The following PHACTR4 variants were observed in gnomAD, a reference collection of about 807,000 sequenced individuals.
PHACTR4 encodes the protein protein phosphatase 1, regulatory subunit 124.
PHACTR4 carries 51 observed loss-of-function variants against 72.7 expected under a neutral mutation model. That is an observed-to-expected ratio of 0.70 (90% CI 0.56 to 0.89). PHACTR4 has a LOEUF of 0.89. PHACTR4 is among the 40% of genes least tolerant of loss of function. PHACTR4 has a pLI of 0.00. For missense variants in PHACTR4, 731 were observed against 861.8 expected (o/e 0.85, Z 1.90); for synonymous variants, 255 against 302.5 (o/e 0.84, Z 1.63).
chr1:28,443,363 C>T (rs1008750304), intron 2 of PHACTR4, among the ~76,000 whole-genome samples: 1 of 151,990 alleles, frequency 6.6e-6, no homozygotes, highest in Non-Finnish European at 1.5e-5. Context: ...CTCACTGCAA[C>T]CTCCACCTCC....
intron 2 of PHACTR4, chr1:28,432,971 C>G: frequency 2.0e-6 from 1 of 490,440 alleles, no homozygotes; most frequent in Non-Finnish European, 2.6e-6. Context: ...GTCTTGAACT[C>G]CTGGACTCAA....
At chr1:28,438,524 A>G (rs1159836588) in intron 2 of PHACTR4, 14 of 1,333,448 alleles carry the variant, frequency 1.0e-5, no homozygotes, top group Non-Finnish European at 4.2e-6. Flanking sequence ...TAAACACGAG[A>G]ATGTTGATGA....
chr1:28,478,603 AGTTTTTGTTTTT>A (rs144669163), intron 8 of PHACTR4, among the ~76,000 whole-genome samples: 4 of 151,516 alleles, frequency 2.6e-5, no homozygotes, highest in South Asian at 2.1e-4. Flanking sequence ...AGCTCATTTT[AGTTTTTGTTTTT>A]GTTTTTGTTT....
chr1:28,492,420 G>T (rs1461078361), intron 12 of PHACTR4, among the ~76,000 whole-genome samples: 2 of 151,564 alleles, frequency 1.3e-5, no homozygotes, highest in Non-Finnish European at 2.9e-5. Flanking sequence ...CTGGGCAGCA[G>T]AGTGAGACTC....
At chr1:28,463,373 T>A (rs958755730) in intron 4 of PHACTR4, among the ~76,000 whole-genome samples, 4 of 152,182 alleles carry the variant, frequency 2.6e-5, no homozygotes, top group African/African-American at 9.7e-5. Flanking sequence ...ATATTTAATA[T>A]AAGAAATGAT....
At chr1:28,444,782 A>ATTTTTTTTTTTTTTTTTTTTTT (rs577693546) in intron 2 of PHACTR4, among the ~76,000 whole-genome samples, 3 of 116,676 alleles carry the variant, frequency 2.6e-5, no homozygotes, top group African/African-American at 1.1e-4. Context: ...CACCCAGCTA[A>ATTTTTTTTTTTTTTTTTTTTTT]TTTTTTTTTT....
rs763904155 is a variant in PHACTR4 at position 28,465,675 on chromosome 1, C to A, written c.272-10C>A. ...ACTTCATCACTTTGTACTCTTCTTT[C>A]ACCTTGCAGGTGGTGAGGATCCAGG... On this transcript the variant is annotated splice_polypyrimidine_tract_variant and intron_variant, in intron 4 of 13. Transcript: ENST00000373839. 1.2e-6 allele frequency: 2 copies of A among 1,609,078 alleles called. No homozygotes were observed. Among genetic ancestry groups the A allele is most frequent in the South Asian group, 1.1e-5 (1 of 90,080 alleles).
Position 28,491,733 on chromosome 1 carries a change from A to G in PHACTR4, c.1962A>G (p.Gln654=). ...FNEYVEVTDA[Q]DYDRRADKPW... The stretch of plus-strand genomic sequence containing the variant: ...AATATGTAGAGGTAACAGATGCTCA[A>G]GATTATGACCGGCGAGCCGACAAAC... The change falls in exon 12 of 14, where the codon CAA becomes CAG. Residue 654 remains glutamine (Q), a synonymous_variant. Coordinates refer to ENST00000373839, the MANE Select transcript of PHACTR4 (RefSeq NM_001048183.3). The G allele has an allele frequency of 6.2e-7, 1 of 1,614,218 alleles. No individual in the cohort carries two copies. The highest frequency in any genetic ancestry group is 1.1e-5 in the South Asian group (1 of 91,082).
At chr1:28,380,893 A>G (rs1016950571) in intron 1 of PHACTR4, among the ~76,000 whole-genome samples, 6 of 152,120 alleles carry the variant, frequency 3.9e-5, no homozygotes, top group Non-Finnish European at 5.9e-5. Flanking sequence ...TGGTATTTCT[A>G]AGTCTTTGAG....
At position 28,370,812 on chromosome 1, in the gene PHACTR4, G is replaced by A. The variant is rs1651185517; in HGVS notation, c.-39+987G>A. On this transcript the variant is annotated intron_variant, in intron 1 of 13. Coordinates refer to ENST00000373839, the MANE Select transcript of PHACTR4 (RefSeq NM_001048183.3). The stretch of plus-strand genomic sequence containing the variant: ...TCGCCAAATTAAAGAAATGAATTTC[G>A]GGCGTGGTGGCGCGCGCCTGTAATG... 1.3e-5 allele frequency among the ~76,000 whole-genome samples: 2 copies of A among 152,154 alleles called. 1 individual carries two copies. The highest frequency in any genetic ancestry group is 4.2e-4 in the South Asian group (2 of 4,808).
intron 2 of PHACTR4, among the ~76,000 whole-genome samples, chr1:28,442,617 CTG>C (rs981308256): frequency 1.3e-5 from 2 of 151,970 alleles, no homozygotes; most frequent in Middle Eastern, 3.2e-3. Flanking sequence ...AGTGATTCTC[CTG>C]TCTCATCCTC....
At chr1:28,496,214 G>A (rs1193047525) in intron 13 of PHACTR4, among the ~76,000 whole-genome samples, 1 of 151,686 alleles carries the variant, frequency 6.6e-6, no homozygotes, top group Non-Finnish European at 1.5e-5. Flanking sequence ...GCGCCACCAC[G>A]CCCAGCTAAT....
rs1659722422 is a variant in PHACTR4, at chr1:28,473,645, A to G, written c.915A>G (p.Val305=). 2 of 1,613,988 alleles carry G rather than the reference A, an allele frequency of 1.2e-6. No homozygotes were observed. The highest frequency in any genetic ancestry group is 1.7e-6 in the Non-Finnish European group (2 of 1,179,962). The change falls in exon 7 of 14, where the codon GTA becomes GTG. Residue 305 remains valine, a synonymous_variant. Transcript: ENST00000373839. The stretch of plus-strand genomic sequence containing the variant: ...AGAGAGGCATTCCATCAACCTCAGT[A>G]CCCACCTTGGAGTCTGCTGCTGCCA... ...PPKRGIPSTS[V]PTLESAAAIT...
At chr1:28,474,538 A>G (rs984661892) in intron 7 of PHACTR4, among the ~76,000 whole-genome samples, 1 of 151,214 alleles carries the variant, frequency 6.6e-6, no homozygotes, top group African/African-American at 2.4e-5. Flanking sequence ...AAAAAAGAAA[A>G]TGTGAATAAT....
rs372366461 is a variant in PHACTR4 at position 28,466,455 on chromosome 1, T to C, written c.510T>C (p.Pro170=). 34 of 1,613,912 alleles carry C rather than the reference T, an allele frequency of 2.1e-5. No homozygotes were observed. The highest frequency in any genetic ancestry group is 2.8e-5 in the Non-Finnish European group (33 of 1,180,012). The change falls in exon 6 of 14, where the codon CCT becomes CCC. Residue 170 remains proline, a synonymous_variant. Coordinates refer to ENST00000373839, the MANE Select transcript of PHACTR4 (RefSeq NM_001048183.3). ...PENVPKPPLL[P]PKRPLSSSHE... ...ATGTACCCAAACCACCTTTACTTCC[T>C]CCCAAAAGACCCTTGTCCTCTTCTC...
intron 8 of PHACTR4, among the ~76,000 whole-genome samples, chr1:28,477,703 T>G (rs1660012283): frequency 6.6e-6 from 1 of 151,792 alleles, no homozygotes; most frequent in African/African-American, 2.4e-5. Context: ...TCTTATTCCT[T>G]TTTTTTTGAG....
At chr1:28,388,570 G>A (rs1027084789) in intron 1 of PHACTR4, among the ~76,000 whole-genome samples, 1 of 152,156 alleles carries the variant, frequency 6.6e-6, no homozygotes, top group Admixed American at 6.6e-5. Flanking sequence ...AATCAACTCT[G>A]GCTGGGCACG....
In PHACTR4 at chr1:28,466,570, G is replaced by C; in HGVS notation, c.625G>C (p.Ala209Pro). The C allele has an allele frequency of 6.2e-7, 1 of 1,613,922 alleles. No homozygotes were observed. The highest frequency in any genetic ancestry group is 8.5e-7 in the Non-Finnish European group (1 of 1,180,000). Residue 209 changes from alanine (A) to proline (P), a missense_variant, in exon 6 of 14, where the codon GCT becomes CCT. Around this residue, in one of 2 missense-constraint regions of PHACTR4, gnomAD observed 621 missense variants for 676.6 expected, o/e 0.92. Transcript: ENST00000373839. Reference protein sequence around the residue: ...IISTSITTAPAATTAATSLAK... With the variant: ...IISTSITTAPPATTAATSLAK... ...CTCCACCTCCATCACCACAGCACCC[G>C]CTGCCACCACTGCTGCCACAAGCCT...
chr1:28,370,475 G>C (rs1344510433), intron 1 of PHACTR4, among the ~76,000 whole-genome samples: 1 of 152,158 alleles, frequency 6.6e-6, no homozygotes, highest in African/African-American at 2.4e-5. Flanking sequence ...GGAAGGCATC[G>C]AATTTGCTGC....
Sources: allele counts gnomAD v4.1 joint callset (sites outside exome capture counted in the v4.1 genomes callset), GRCh38; gene constraint gnomAD v4.1.1; regional missense constraint gnomAD v4.1.1; transcripts MANE v1.5; gene names NCBI Gene and HGNC (gene_info 2026-07-23, HGNC 2026-07-21).